EGFL7: variants seen among roughly 807,000 people sequenced by gnomAD.
EGFL7 encodes EGF like domain multiple 7.
Under a neutral mutation model 37.1 loss-of-function variants are expected in EGFL7, and 48 were observed. The observed-to-expected ratio is 1.29, with a 90% CI of 1.03 to 1.65. EGFL7 has a LOEUF of 1.65. EGFL7 is among the 40% of genes most tolerant of loss of function. The probability of loss-of-function intolerance (pLI) is 0.00; values close to 1 mark genes in which losing one functional copy is unlikely to be tolerated. For synonymous variants in EGFL7, 180 were observed against 156.8 expected (o/e 1.15, Z -1.10); for missense variants, 384 against 378.9 (o/e 1.01, Z -0.11).
chr9:136,660,678 CA>C (rs1431800367), upstream of EGFL7, among the ~76,000 whole-genome samples: 1 of 152,188 alleles, frequency 6.6e-6, no homozygotes, highest in Non-Finnish European at 1.5e-5. Flanking sequence ...GCAACTCGTG[CA>C]CTCGGCTACT....
rs531247390 is a variant in EGFL7, at chr9:136,668,846, G to T, written c.197+173G>T. 3.3e-5 allele frequency among the ~76,000 whole-genome samples: 5 copies of T among 152,240 alleles called. No individual in the cohort carries two copies. The East Asian group carries it at 9.7e-4, about 29-fold the overall frequency. On this transcript the variant is annotated intron_variant, in intron 5 of 10. Coordinates refer to ENST00000308874, the MANE Select transcript of EGFL7 (RefSeq NM_016215.5). ...GACCCAGGGCGGCCGGAGCCAAGGG[G>T]TTCCACGATCACCTCCAGTGTCCTA...
Position 136,672,366 on chromosome 9 carries a change from C to G in EGFL7, c.*80C>G. On this transcript the variant is annotated 3_prime_UTR_variant, in exon 11 of 11. Coordinates refer to ENST00000308874, the MANE Select transcript of EGFL7 (RefSeq NM_016215.5). ...GCCCCTGCCCAACATGCTGGGGGTC[C>G]AGAAACCACCTCGGGGTGACTGAGC... 1 of 1,583,794 alleles carries G rather than the reference C, an allele frequency of 6.3e-7. No homozygotes were observed. Among genetic ancestry groups the G allele is most frequent in the Non-Finnish European group, 8.7e-7 (1 of 1,154,458 alleles).
Position 136,672,173 on chromosome 9 carries a change from G to T in EGFL7, c.799+85G>T, listed in dbSNP as rs1024594023. The T allele has an allele frequency of 3.7e-6, 6 of 1,601,298 alleles. No individual in the cohort carries two copies. In the African/African-American group the frequency reaches 6.7e-5, roughly 18 times the overall value. ...GGCTACCCAGGCTTGGGGGTCGGGG[G>T]CGACCAAAGGCCAAGGGGCCAGTCA... On this transcript the variant is annotated intron_variant, in intron 10 of 10. Transcript: ENST00000308874.
chr9:136,669,948 C>G lies in EGFL7; in HGVS notation c.348C>G (p.Ser116Arg), dbSNP rs1437224084. Residue 116 changes from serine (S) to arginine (R), a missense_variant, in exon 7 of 11, where the codon AGC (serine) becomes AGG (arginine). By Grantham distance (110) the Ser-to-Arg change is moderately radical. Coordinates refer to ENST00000308874, the MANE Select transcript of EGFL7 (RefSeq NM_016215.5). Reference sequence around the variant, plus strand: ...AGCCGCCATGCCGGAACGGAGGGAGCTGTGTCCAGCCTGGCCGCTGCCGCT... The same window carrying G: ...AGCCGCCATGCCGGAACGGAGGGAGGTGTGTCCAGCCTGGCCGCTGCCGCT... ...ICQPPCRNGGSCVQPGRCRCP... is the reference protein window; with the variant it reads ...ICQPPCRNGGRCVQPGRCRCP... 6.2e-7 allele frequency: 1 copy of G among 1,606,034 alleles called. No individual in the cohort carries two copies. The highest frequency in any genetic ancestry group is 2.2e-5 in the East Asian group (1 of 44,606).
chr9:136,672,155 C>T (rs1178398656), intron 10 of EGFL7, 67 bp downstream of exon 10: 1 of 1,584,558 alleles, frequency 6.3e-7, no homozygotes, highest in African/African-American at 1.3e-5. Flanking sequence ...AGGGGCTACC[C>T]AGGCTTGGGG....
At chr9:136,661,575 G>A (rs1320224257), upstream of EGFL7, among the ~76,000 whole-genome samples, 1 of 152,218 alleles carries the variant, frequency 6.6e-6, no homozygotes, top group Non-Finnish European at 1.5e-5. Context: ...CATGAAGCAG[G>A]TGCAGAAACA....
Position 136,670,315 on chromosome 9 carries a change from G to A in EGFL7, c.556G>A (p.Ala186Thr). Residue 186 changes from alanine (A) to threonine (T), a missense_variant, in exon 8 of 11, where the codon GCC becomes ACC. Physicochemically the swap from Ala to Thr is moderately conservative, Grantham distance 58. Coordinates refer to ENST00000308874, the MANE Select transcript of EGFL7 (RefSeq NM_016215.5). ...GCCCAAGGGAGGGCCCCCCAGGGTG[G>A]CCCCCAACCCGACAGGTAAACAGCC... The part of the protein sequence containing the change: ...CVPKGGPPRV[A>T]PNPTGVDSAM... 1 of 1,582,618 alleles carries A rather than the reference G, an allele frequency of 6.3e-7. No individual in the cohort carries two copies.
At chr9:136,669,860 C>A in intron 6 of EGFL7, 54 bp from the exon 7 acceptor site, 1 of 1,507,272 alleles carries the variant, frequency 6.6e-7, no homozygotes, top group Non-Finnish European at 9.0e-7. Flanking sequence ...GCAGCTGCCC[C>A]CACAGGGTGC....
At position 136,672,097 on chromosome 9, in the gene EGFL7, C is replaced by T. The variant is rs1220552088; in HGVS notation, c.799+9C>T. 7 of 1,547,268 alleles carry T rather than the reference C, an allele frequency of 4.5e-6. No individual in the cohort carries two copies. The highest frequency in any genetic ancestry group is 2.0e-5 in the Admixed American group (1 of 51,078). ...GGAGCAGCTGGGGTCCTGTGAGTGCCCCCACCCTCCAGAGCCCTCCTCCCG... is the reference window on the plus strand; with the variant it reads ...GGAGCAGCTGGGGTCCTGTGAGTGCTCCCACCCTCCAGAGCCCTCCTCCCG... On this transcript the variant is annotated intron_variant, in intron 10 of 10. Transcript: ENST00000308874.
Position 136,672,297 on chromosome 9 carries a change from C to T in EGFL7, c.*11C>T, listed in dbSNP as rs1181872151. 9 of 1,613,078 alleles carry T rather than the reference C, an allele frequency of 5.6e-6. No individual in the cohort carries two copies. The highest frequency in any genetic ancestry group is 1.1e-5 in the South Asian group (1 of 91,094). On this transcript the variant is annotated 3_prime_UTR_variant, in exon 11 of 11. Transcript: ENST00000308874. ...AAGAAAGACTCGTGACTGCCCAGCG[C>T]CCCAGGCTGGACTGAGCCCCTCACG... is the stretch of plus-strand genomic sequence containing the variant.
At chr9:136,662,350 G>A (rs899701753), upstream of EGFL7, among the ~76,000 whole-genome samples, 9 of 152,086 alleles carry the variant, frequency 5.9e-5, no homozygotes, top group Admixed American at 2.0e-4. Context: ...AGGGACCCAC[G>A]GAACAGGCTG....
Position 136,672,391 on chromosome 9 carries a change from C to A in EGFL7, c.*105C>A, listed in dbSNP as rs1213446730. ...CAGAAACCACCTCGGGGTGACTGAG[C>A]GGAAGGCCAGGCAGGGCCTTCCTCC... On this transcript the variant is annotated 3_prime_UTR_variant, in exon 11 of 11. Coordinates refer to ENST00000308874, the MANE Select transcript of EGFL7 (RefSeq NM_016215.5). 1 of 1,459,556 alleles carries A rather than the reference C, an allele frequency of 6.9e-7. No individual in the cohort carries two copies. The highest frequency in any genetic ancestry group is 9.6e-7 in the Non-Finnish European group (1 of 1,046,822). 90.4% of individuals were successfully genotyped at this position (1,459,556 alleles called of 1,614,324 possible).
intron 8 of EGFL7, 91 bp from the exon 9 acceptor site, chr9:136,670,859 T>C (rs1845808937): frequency 7.9e-7 from 1 of 1,272,378 alleles, no homozygotes; most frequent in East Asian, 2.6e-5. Flanking sequence ...CTGAGTCTTC[T>C]GGCTCTGCCT....
chr9:136,659,930 G>A (rs1845034760), upstream of EGFL7, among the ~76,000 whole-genome samples: 1 of 152,130 alleles, frequency 6.6e-6, no homozygotes, highest in South Asian at 2.1e-4. Context: ...GGCCCCTGAG[G>A]TGAGGGGAGG....
At position 136,669,964 on chromosome 9, in the gene EGFL7, C is replaced by T. The variant is rs760195644; in HGVS notation, c.364C>T (p.Arg122Cys). ...CGGAGGGAGCTGTGTCCAGCCTGGCCGCTGCCGCTGCCCTGCAGGATGGCG... is the reference window on the plus strand; with the variant it reads ...CGGAGGGAGCTGTGTCCAGCCTGGCTGCTGCCGCTGCCCTGCAGGATGGCG... ...RNGGSCVQPGRCRCPAGWRGD... is the reference protein window; with the variant it reads ...RNGGSCVQPGCCRCPAGWRGD... The change falls in exon 7 of 11, where the codon CGC becomes TGC. Residue 122 changes from arginine to cysteine, a missense_variant. By Grantham distance (180) the Arg-to-Cys change is radical. Coordinates refer to ENST00000308874, the MANE Select transcript of EGFL7 (RefSeq NM_016215.5). 8.1e-6 allele frequency: 13 copies of T among 1,604,486 alleles called. No individual in the cohort carries two copies. The highest frequency in any genetic ancestry group is 5.3e-5 in the African/African-American group (4 of 74,774).
At chr9:136,661,521 G>A (rs1420922487), upstream of EGFL7, among the ~76,000 whole-genome samples, 6 of 152,132 alleles carry the variant, frequency 3.9e-5, 1 homozygote, top group South Asian at 6.2e-4. Flanking sequence ...TCAGACCAGC[G>A]GTGCCTGGGT....
chr9:136,669,566 G>A, intron 5 of EGFL7, 40 bp from the exon 6 acceptor site: 1 of 1,474,244 alleles, frequency 6.8e-7, no homozygotes, highest in Non-Finnish European at 9.4e-7. Context: ...GACTAAGGGG[G>A]AGTAGGATGC....
intron 3 of EGFL7, chr9:136,665,757 G>T (rs1030192516): frequency 6.8e-6 from 1 of 146,494 alleles, no homozygotes; most frequent in Admixed American, 6.8e-5. Flanking sequence ...GGGGCTCGGG[G>T]CCCCCACGGC....
chr9:136,670,515 A>C, intron 8 of EGFL7, 185 bp downstream of exon 8: 1 of 851,402 alleles, frequency 1.2e-6, no homozygotes, highest in Admixed American at 1.9e-5. Flanking sequence ...GGTTGCCCGG[A>C]GCCTCATATC....
Sources: gnomAD v4.1 joint callset for allele counts (sites outside exome capture counted in the v4.1 genomes callset) on GRCh38, gnomAD v4.1.1 for gene constraint, MANE v1.5 for transcripts, NCBI Gene and HGNC (gene_info 2026-07-23, HGNC 2026-07-21) for gene names.